Variants in SLC25A26 observed in about 807,000 individuals in gnomAD.
SLC25A26 encodes mitochondrial S-adenosylmethionine carrier protein.
Under a neutral mutation model 37.8 loss-of-function variants are expected in SLC25A26, and 36 were observed. The observed-to-expected ratio is 0.95, with a 90% CI of 0.73 to 1.26. The LOEUF is 1.26. SLC25A26 is among the 50% of genes most tolerant of loss of function. SLC25A26 has a pLI of 0.00. For missense variants in SLC25A26, 390 were observed against 331.1 expected, an observed-to-expected ratio of 1.18 and a Z score of -1.38; for synonymous variants, 129 against 122.5, an observed-to-expected ratio of 1.05 and a Z score of -0.35.
intron 1 of SLC25A26, among the ~76,000 whole-genome samples, chr3:66,193,357 T>C (rs1449818850): frequency 1.3e-5 from 2 of 152,290 alleles, no homozygotes; most frequent in East Asian, 1.9e-4. Flanking sequence ...CCTTTTTTTG[T>C]CAACAAATTG....
intron 3 of SLC25A26, among the ~76,000 whole-genome samples, chr3:66,243,918 G>A (rs977157021): frequency 1.1e-4 from 16 of 152,016 alleles, no homozygotes; most frequent in Non-Finnish European, 1.2e-4. Context: ...TGTCATGAAG[G>A]GTGCCAGCTT....
intron 2 of SLC25A26, among the ~76,000 whole-genome samples, chr3:66,240,185 C>T (rs531875006): frequency 1.3e-4 from 20 of 152,260 alleles, no homozygotes; most frequent in South Asian, 4.1e-4. Context: ...GTGGATACTC[C>T]GCAACACCTG....
intron 2 of SLC25A26, among the ~76,000 whole-genome samples, chr3:66,240,783 T>A (rs2072542114): frequency 6.7e-6 from 1 of 150,352 alleles, no homozygotes; most frequent in Admixed American, 6.6e-5. Context: ...TCTCACTCTT[T>A]CACCCAGGCT....
intron 3 of SLC25A26, among the ~76,000 whole-genome samples, chr3:66,246,527 C>CT (rs2072849169): frequency 1.3e-5 from 2 of 152,068 alleles, no homozygotes; most frequent in Admixed American, 6.5e-5. Context: ...GGAAAAGGCT[C>CT]TAAGTTTCTA....
At chr3:66,356,628 T>G (rs1414242524) in intron 6 of SLC25A26, among the ~76,000 whole-genome samples, 1 of 152,088 alleles carries the variant, frequency 6.6e-6, no homozygotes, top group African/African-American at 2.4e-5. Context: ...ATGTGGGAAC[T>G]TTATTATTAT....
intron 1 of SLC25A26, among the ~76,000 whole-genome samples, chr3:66,180,183 G>A (rs898256918): frequency 3.3e-5 from 5 of 152,144 alleles, no homozygotes; most frequent in African/African-American, 7.2e-5. Context: ...ACTGGGAGGC[G>A]TAGTTATGAG....
intron 1 of SLC25A26, among the ~76,000 whole-genome samples, chr3:66,158,061 G>C (rs1048965651): frequency 6.6e-6 from 1 of 152,234 alleles, no homozygotes; most frequent in Non-Finnish European, 1.5e-5. Context: ...GTTGCAGAGA[G>C]TACCCCTTGA....
intron 5 of SLC25A26, among the ~76,000 whole-genome samples, chr3:66,306,829 C>T (rs2075239116): frequency 6.6e-6 from 1 of 152,214 alleles, no homozygotes; most frequent in African/African-American, 2.4e-5. Context: ...CTGCAAAGGA[C>T]ATGAACTCAT....
intron 1 of SLC25A26, among the ~76,000 whole-genome samples, chr3:66,213,731 A>G (rs1460457349): frequency 1.3e-5 from 2 of 152,080 alleles, no homozygotes; most frequent in African/African-American, 4.8e-5. Flanking sequence ...CCACCCTTAT[A>G]GCATCATACA....
chr3:66,196,015 A>G (rs2071039310), intron 1 of SLC25A26, among the ~76,000 whole-genome samples: 1 of 152,262 alleles, frequency 6.6e-6, no homozygotes, highest in Admixed American at 6.5e-5. Flanking sequence ...ACACACGTGT[A>G]CAAACATAAA....
intron 5 of SLC25A26, among the ~76,000 whole-genome samples, chr3:66,292,127 A>AT (rs1204607143): frequency 2.6e-5 from 4 of 151,498 alleles, no homozygotes; most frequent in African/African-American, 4.8e-5. Context: ...GCAACCGCTG[A>AT]TTTTTTTTGG....
At chr3:66,316,183 C>G (rs189111104) in intron 5 of SLC25A26, among the ~76,000 whole-genome samples, 17 of 152,230 alleles carry the variant, frequency 1.1e-4, no homozygotes, top group Admixed American at 1.0e-3. Flanking sequence ...ATTTTGCAGA[C>G]TTGTTTATGT....
chr3:66,365,614 G>C (rs1488641128), intron 7 of SLC25A26, among the ~76,000 whole-genome samples: 3 of 152,180 alleles, frequency 2.0e-5, no homozygotes, highest in East Asian at 1.9e-4. Context: ...AGAAGAGGGT[G>C]GGGGAGAAAG....
chr3:66,344,119 C>T (rs574719154), intron 5 of SLC25A26, among the ~76,000 whole-genome samples: 2 of 152,236 alleles, frequency 1.3e-5, no homozygotes, highest in South Asian at 2.1e-4. Context: ...TCTGTGGTCA[C>T]TGTCTGTCAA....
At chr3:66,246,884 C>G (rs1228056190) in intron 3 of SLC25A26, among the ~76,000 whole-genome samples, 1 of 152,170 alleles carries the variant, frequency 6.6e-6, no homozygotes, top group African/African-American at 2.4e-5. Flanking sequence ...TTGTTTAAGA[C>G]GGAGTCTTGC....
chr3:66,291,610 G>A (rs970599634), intron 5 of SLC25A26, among the ~76,000 whole-genome samples: 8 of 152,194 alleles, frequency 5.3e-5, no homozygotes, highest in Admixed American at 1.3e-4. Context: ...GTAGTTGTGC[G>A]GTTTTGAATG....
intron 1 of SLC25A26, among the ~76,000 whole-genome samples, chr3:66,189,196 TTGACCC>T (rs1328277646): frequency 1.3e-5 from 2 of 152,002 alleles, no homozygotes; most frequent in East Asian, 3.9e-4. Flanking sequence ...GACCCTTATG[TTGACCC>T]TGACCCTGAC....
intron 1 of SLC25A26, among the ~76,000 whole-genome samples, chr3:66,148,022 G>T (rs990067316): frequency 1.3e-5 from 2 of 152,178 alleles, no homozygotes; most frequent in East Asian, 1.9e-4. Flanking sequence ...CTCCCAAAGT[G>T]TTGGGATTAT....
chr3:66,227,386 A>G (rs1479516205), intron 1 of SLC25A26, among the ~76,000 whole-genome samples: 2 of 151,856 alleles, frequency 1.3e-5, no homozygotes, highest in Non-Finnish European at 2.9e-5. Flanking sequence ...TTTTCTGTCT[A>G]TTTTTATAAA....
Sources: gnomAD v4.1 joint callset for allele counts (sites outside exome capture counted in the v4.1 genomes callset) on GRCh38, gnomAD v4.1.1 for gene constraint, MANE v1.5 for transcripts, NCBI Gene and HGNC (gene_info 2026-07-23, HGNC 2026-07-21) for gene names.